Variants in ZGPAT observed in about 807,000 individuals in gnomAD.
ZGPAT encodes the protein zinc finger CCCH-type and G-patch domain containing.
Under a neutral mutation model 47.9 loss-of-function variants are expected in ZGPAT, and 39 were observed. The ratio of observed to expected loss-of-function variants is 0.81; its 90% confidence interval spans 0.63 to 1.06. ZGPAT has a LOEUF of 1.06. Among genes scored for constraint, ZGPAT ranks in the 50% least tolerant of loss-of-function variants. The pLI, the probability that ZGPAT is intolerant of heterozygous loss-of-function variation, is 0.00. For missense variants in ZGPAT, 717 were observed against 681.4 expected (o/e 1.05, Z -0.58); for synonymous variants, 348 against 292.9 (o/e 1.19, Z -1.92).
intron 2 of ZGPAT, among the ~76,000 whole-genome samples, chr20:63,724,918 G>A (rs1214389089): frequency 6.6e-6 from 1 of 151,252 alleles, no homozygotes; most frequent in Admixed American, 6.6e-5. Flanking sequence ...CTCATGATCT[G>A]CCTGTCCTGG....
chr20:63,710,331 T>A (rs2145635087), intron 2 of ZGPAT, among the ~76,000 whole-genome samples: 1 of 151,016 alleles, frequency 6.6e-6, no homozygotes, highest in East Asian at 1.9e-4. Context: ...TTTTTGTATT[T>A]TTAGTAGAGT....
chr20:63,735,599 C>T, intron 6 of ZGPAT, 35 bp downstream of exon 6: 1 of 1,507,258 alleles, frequency 6.6e-7, no homozygotes, highest in Middle Eastern at 1.8e-4. Context: ...CAAAGGGCGA[C>T]CCAGGGTGGC....
At position 63,733,642 on chromosome 20, in the gene ZGPAT, C is replaced by A. The variant is rs145716255; in HGVS notation, c.774C>A (p.Ala258=). Residue 258 remains alanine (A), a synonymous_variant, in exon 4 of 7, where the codon GCC becomes GCA. Transcript: ENST00000355969. ...VKFDSLLLRE[A]VVEGDGILPP... The stretch of plus-strand genomic sequence containing the variant: ...TTGACTCGCTGCTGCTGAGGGAGGC[C>A]GTGGTGGAGGGGGACGGCATCCTGC... The A allele has an allele frequency of 6.2e-7, 1 of 1,613,888 alleles. No homozygotes were observed. Among genetic ancestry groups the A allele is most frequent in the Non-Finnish European group, 8.5e-7 (1 of 1,180,034 alleles).
chr20:63,710,140 G>A (rs1278901660), intron 2 of ZGPAT, among the ~76,000 whole-genome samples: 6 of 148,818 alleles, frequency 4.0e-5, no homozygotes, highest in Non-Finnish European at 7.4e-5. Flanking sequence ...GATGACAAGC[G>A]TGAGCCACCG....
chr20:63,720,355 C>T (rs1220931956), intron 2 of ZGPAT, among the ~76,000 whole-genome samples: 1 of 151,858 alleles, frequency 6.6e-6, no homozygotes, highest in African/African-American at 2.4e-5. Flanking sequence ...CATGGTTTTG[C>T]CGTGTTAGCC....
Position 63,708,732 on chromosome 20 carries a change from A to G in ZGPAT, c.152A>G (p.Glu51Gly). ...GDLKELIELT[E>G]ASLVSVRKSS... ...CTGAAGGAGCTCATCGAGCTCACCG[A>G]GGCCAGCCTGGTGTCTGTCAGGAAG... is the stretch of plus-strand genomic sequence containing the variant. The change falls in exon 2 of 7, where the codon GAG becomes GGG. Residue 51 changes from glutamate (E) to glycine (G), a missense_variant. By Grantham distance (98) the Glu-to-Gly change is moderately conservative (BLOSUM62 -2). Transcript: ENST00000355969. 6.2e-7 allele frequency: 1 copy of G among 1,612,658 alleles called. No individual in the cohort carries two copies. Among genetic ancestry groups the G allele is most frequent in the Non-Finnish European group, 8.5e-7 (1 of 1,179,810 alleles).
intron 2 of ZGPAT, among the ~76,000 whole-genome samples, chr20:63,719,589 A>G (rs888768827): frequency 1.4e-4 from 21 of 151,924 alleles, no homozygotes; most frequent in African/African-American, 4.8e-4. Context: ...CAGTTACTGT[A>G]CTTTTTAGCT....
At chr20:63,719,597 G>A (rs2091766646) in intron 2 of ZGPAT, among the ~76,000 whole-genome samples, 1 of 151,660 alleles carries the variant, frequency 6.6e-6, no homozygotes, top group Non-Finnish European at 1.5e-5. Flanking sequence ...GTACTTTTTA[G>A]CTCCAAAGTT....
intron 2 of ZGPAT, among the ~76,000 whole-genome samples, chr20:63,732,207 C>CTG (rs569238659): frequency 7.4e-6 from 1 of 135,670 alleles, no homozygotes; most frequent in Non-Finnish European, 1.6e-5. Context: ...GCGGGTGCAT[C>CTG]TGTGTGTGCA....
At chr20:63,730,922 T>TTCTC (rs33915732) in intron 2 of ZGPAT, among the ~76,000 whole-genome samples, 4,773 of 124,334 alleles carry the variant, frequency 0.038, 164 homozygotes, top group East Asian at 0.095. Flanking sequence ...TTCCTCTTCA[T>TTCTC]TCTCTCTCTC....
At chr20:63,728,546 C>T (rs1000219937) in intron 2 of ZGPAT, among the ~76,000 whole-genome samples, 1 of 152,192 alleles carries the variant, frequency 6.6e-6, no homozygotes, top group Non-Finnish European at 1.5e-5. Context: ...TTGGAGCTCC[C>T]AACACCTGCA....
In ZGPAT at chr20:63,732,785, T is replaced by G. The variant is rs117317595; in HGVS notation, c.585-434T>G. ...GTACGTATGTATATGCGTGTGTGTA[T>G]GCATGTGAGTGCATGTTTATGCGTG... is the stretch of plus-strand genomic sequence containing the variant. On this transcript the variant is annotated intron_variant, in intron 2 of 6. Coordinates refer to ENST00000355969, the MANE Select transcript of ZGPAT (RefSeq NM_181485.3). Among the ~76,000 whole-genome samples the G allele has an allele frequency of 7.8e-4, 118 of 150,880 alleles. No individual in the cohort carries two copies. The East Asian group carries it at 0.021, about 27-fold the overall frequency.
At position 63,735,477 on chromosome 20, in the gene ZGPAT, T is replaced by C; in HGVS notation, c.1310T>C (p.Leu437Pro). Residue 437 changes from leucine (L) to proline (P), a missense_variant, in exon 6 of 7, where the codon CTG becomes CCG. Transcript: ENST00000355969. Reference protein sequence around the residue: ...ASKSAKRALSLRLFQTEEKIE... With the variant: ...ASKSAKRALSPRLFQTEEKIE... The stretch of plus-strand genomic sequence containing the variant: ...AAGAGTGCCAAGCGGGCCCTGAGCC[T>C]GCGGCTCTTCCAGACTGAGGAGAAG... 2 of 1,553,070 alleles carry C rather than the reference T, an allele frequency of 1.3e-6. No individual in the cohort carries two copies. The highest frequency in any genetic ancestry group is 1.7e-6 in the Non-Finnish European group (2 of 1,154,706).
At chr20:63,733,164 G>C (rs17825740) in intron 2 of ZGPAT, 55 bp from the exon 3 acceptor site, 54,720 of 1,591,074 alleles carry the variant, frequency 0.034, 1,065 homozygotes, top group Non-Finnish European at 0.04. Flanking sequence ...CTCCTGGGTT[G>C]GTTTGCCCCT....
At chr20:63,718,945 A>C (rs1359499712) in intron 2 of ZGPAT, among the ~76,000 whole-genome samples, 1 of 152,056 alleles carries the variant, frequency 6.6e-6, no homozygotes, top group Non-Finnish European at 1.5e-5. Context: ...AGGTGCCTGT[A>C]GTCCCAGCTA....
At chr20:63,711,010 A>G (rs909935249) in intron 2 of ZGPAT, among the ~76,000 whole-genome samples, 3 of 149,038 alleles carry the variant, frequency 2.0e-5, no homozygotes, top group African/African-American at 7.4e-5. Context: ...TTCTAGTTCT[A>G]GTTCTTTGAA....
At chr20:63,732,111 ATGAG>A (rs527403832) in intron 2 of ZGPAT, among the ~76,000 whole-genome samples, 49 of 143,002 alleles carry the variant, frequency 3.4e-4, no homozygotes, top group East Asian at 1.3e-3. Flanking sequence ...ATATGCATAT[ATGAG>A]TGAGTGCACG....
chr20:63,732,732 A>G (rs752253624), intron 2 of ZGPAT, among the ~76,000 whole-genome samples: 23 of 147,078 alleles, frequency 1.6e-4, no homozygotes, highest in Non-Finnish European at 3.0e-4. Context: ...GTATATGTGT[A>G]TGTCTGTATA....
intron 2 of ZGPAT, among the ~76,000 whole-genome samples, chr20:63,728,760 C>G (rs895508626): frequency 1.3e-5 from 2 of 152,212 alleles, no homozygotes; most frequent in African/African-American, 4.8e-5. Context: ...GTTTTCCCTT[C>G]TGTCCCACAT....
Sources: allele counts gnomAD v4.1 joint callset (sites outside exome capture counted in the v4.1 genomes callset), GRCh38; gene constraint gnomAD v4.1.1; transcripts MANE v1.5; gene names NCBI Gene and HGNC (gene_info 2026-07-23, HGNC 2026-07-21).